CTNNBL1: variants seen among roughly 807,000 people sequenced by gnomAD.
CTNNBL1 encodes the protein catenin beta like 1.
In CTNNBL1, 31 loss-of-function variants were observed where a neutral mutation model predicts 72.7. The ratio of observed to expected loss-of-function variants is 0.43; its 90% CI spans 0.32 to 0.58. The LOEUF (loss-of-function observed/expected upper bound fraction) is 0.58. Ranked by LOEUF, CTNNBL1 falls within the 20% of genes least tolerant of loss-of-function variation. The pLI is 0.08. For synonymous variants in CTNNBL1, 240 were observed against 267.3 expected, an observed-to-expected ratio of 0.90 and a Z score of 1.00; for missense variants, 534 against 725.1, an observed-to-expected ratio of 0.74 and a Z score of 3.03.
intron 1 of CTNNBL1, among the ~76,000 whole-genome samples, chr20:37,728,372 T>C (rs1345743214): frequency 6.6e-6 from 1 of 152,244 alleles, no homozygotes; most frequent in African/African-American, 2.4e-5. Context: ...ATGTGGCTAC[T>C]AAAAAATTTA....
At chr20:37,697,119 G>T (rs950919984) in intron 1 of CTNNBL1, among the ~76,000 whole-genome samples, 1 of 151,926 alleles carries the variant, frequency 6.6e-6, no homozygotes, top group African/African-American at 2.4e-5. Flanking sequence ...GGAGGTAGAG[G>T]TTGCAGTGAG....
intron 12 of CTNNBL1, 29 bp downstream of exon 12, chr20:37,840,228 G>A (rs1469951102): frequency 6.7e-7 from 1 of 1,490,976 alleles, no homozygotes. Flanking sequence ...GTAAAGCTGG[G>A]ACCGGGACTG....
intron 13 of CTNNBL1, among the ~76,000 whole-genome samples, chr20:37,846,666 C>CCTG (rs1026496389): frequency 1.6e-4 from 24 of 152,228 alleles, no homozygotes; most frequent in African/African-American, 5.8e-4. Context: ...GTCCTGATTC[C>CCTG]CTGCTGCTGC....
intron 1 of CTNNBL1, among the ~76,000 whole-genome samples, chr20:37,732,282 G>T (rs954551040): frequency 5.9e-5 from 9 of 152,172 alleles, no homozygotes; most frequent in African/African-American, 2.2e-4. Context: ...AAATAGAATT[G>T]GGAGTACAGT....
chr20:37,776,258 A>C (rs1806716704), intron 7 of CTNNBL1, among the ~76,000 whole-genome samples: 1 of 152,240 alleles, frequency 6.6e-6, no homozygotes, highest in South Asian at 2.1e-4. Flanking sequence ...GAAACCCTGT[A>C]GGCTGCACTT....
chr20:37,855,639 TA>T (rs2072433353), intron 13 of CTNNBL1, among the ~76,000 whole-genome samples: 1 of 152,186 alleles, frequency 6.6e-6, no homozygotes, highest in African/African-American at 2.4e-5. Context: ...GTCTTCCAGC[TA>T]TGCACTCTAC....
intron 11 of CTNNBL1, among the ~76,000 whole-genome samples, chr20:37,814,947 C>G (rs6021096): frequency 6.6e-6 from 1 of 152,024 alleles, no homozygotes; most frequent in Admixed American, 6.6e-5. Flanking sequence ...TAAACTCATG[C>G]AGAAAATTTT....
intron 7 of CTNNBL1, among the ~76,000 whole-genome samples, chr20:37,773,533 C>G (rs541253051): frequency 6.6e-6 from 1 of 152,330 alleles, no homozygotes; most frequent in East Asian, 1.9e-4. Context: ...CGCTGATTAA[C>G]TTTGCAAAAT....
chr20:37,707,938 A>AGG (rs143435620), intron 1 of CTNNBL1, among the ~76,000 whole-genome samples: 2 of 151,902 alleles, frequency 1.3e-5, no homozygotes, highest in African/African-American at 4.8e-5. Flanking sequence ...GGAGAGAGAG[A>AGG]GAGAGAGAGA....
Position 37,871,323 on chromosome 20 carries a change from C to G in CTNNBL1, c.1604-602C>G, listed in dbSNP as rs142976364. ...TCTGTTCGTGCTGCTGTAACAAAAT[C>G]CCTGAGACTGGGTAATTTATGAAGA... is the stretch of plus-strand genomic sequence containing the variant. On this transcript the variant is annotated intron_variant, in intron 15 of 15. Transcript: ENST00000361383. Among the ~76,000 whole-genome samples the G allele has an allele frequency of 5.3e-4, 80 of 152,280 alleles. 1 individual carries two copies. In the East Asian group the frequency reaches 0.014, roughly 28 times the overall value.
chr20:37,841,399 G>A (rs1033598662), intron 12 of CTNNBL1, among the ~76,000 whole-genome samples: 1 of 152,148 alleles, frequency 6.6e-6, no homozygotes, highest in South Asian at 2.1e-4. Flanking sequence ...TGTCTTCCCT[G>A]CACACCTTGT....
chr20:37,864,399 C>T (rs1354883414), intron 15 of CTNNBL1, among the ~76,000 whole-genome samples: 3 of 152,142 alleles, frequency 2.0e-5, no homozygotes, highest in Non-Finnish European at 4.4e-5. Context: ...GGCAGGATGA[C>T]AGCTGATGTA....
chr20:37,720,215 A>G (rs1281183172), intron 1 of CTNNBL1, among the ~76,000 whole-genome samples: 1 of 151,958 alleles, frequency 6.6e-6, no homozygotes, highest in Non-Finnish European at 1.5e-5. Context: ...TTTTTAGTAG[A>G]GAGGGGGTTT....
intron 11 of CTNNBL1, among the ~76,000 whole-genome samples, chr20:37,827,370 T>C (rs2072169255): frequency 6.6e-6 from 1 of 152,198 alleles, no homozygotes; most frequent in Non-Finnish European, 1.5e-5. Flanking sequence ...GCTATTCACA[T>C]CTCTTTTGAT....
intron 1 of CTNNBL1, among the ~76,000 whole-genome samples, chr20:37,697,399 A>G (rs2072802784): frequency 6.6e-6 from 1 of 152,166 alleles, no homozygotes; most frequent in South Asian, 2.1e-4. Context: ...GAGCAGAATG[A>G]TGGAGGCAGC....
intron 7 of CTNNBL1, among the ~76,000 whole-genome samples, chr20:37,774,877 C>T (rs1406130466): frequency 6.6e-6 from 1 of 152,142 alleles, no homozygotes; most frequent in Non-Finnish European, 1.5e-5. Flanking sequence ...AGTAACTCTC[C>T]AAATAAGTGG....
intron 1 of CTNNBL1, among the ~76,000 whole-genome samples, chr20:37,705,655 G>A (rs1337313376): frequency 1.3e-5 from 2 of 152,156 alleles, no homozygotes; most frequent in Non-Finnish European, 2.9e-5. Flanking sequence ...CATCACCATA[G>A]TAATTATTTT....
At chr20:37,851,397 G>T (rs1423303613) in intron 13 of CTNNBL1, among the ~76,000 whole-genome samples, 2 of 151,244 alleles carry the variant, frequency 1.3e-5, no homozygotes, top group Non-Finnish European at 2.9e-5. Flanking sequence ...CCTTTTAAAA[G>T]TTTCTTGAAT....
chr20:37,820,540 A>G (rs2072097512), intron 11 of CTNNBL1, among the ~76,000 whole-genome samples: 1 of 152,200 alleles, frequency 6.6e-6, no homozygotes, highest in South Asian at 2.1e-4. Flanking sequence ...TAATTCTCAC[A>G]TATCCAGAAA....
Sources: allele counts gnomAD v4.1 joint callset (sites outside exome capture counted in the v4.1 genomes callset), GRCh38; gene constraint gnomAD v4.1.1; transcripts MANE v1.5; gene names NCBI Gene and HGNC (gene_info 2026-07-23, HGNC 2026-07-21).